CTNNA2: variants seen among roughly 807,000 people sequenced by gnomAD.
CTNNA2 encodes the protein catenin alpha-2.
A neutral mutation model predicts 101.0 loss-of-function variants in CTNNA2; 42 were observed. The observed-to-expected ratio is 0.42, with a 90% confidence interval of 0.32 to 0.54. The LOEUF (loss-of-function observed/expected upper bound fraction) is 0.54, where lower values mean the gene tolerates loss of function less well. Ranked by LOEUF, CTNNA2 falls within the 20% of genes least tolerant of loss-of-function variation. The pLI is 0.14. For synonymous variants in CTNNA2, 450 were observed against 456.4 expected, an observed-to-expected ratio of 0.99 and a Z score of 0.18; for missense variants, 871 against 1,223.1, an observed-to-expected ratio of 0.71 and a Z score of 4.29.
chr2:79,750,444 T>G (rs946297190), intron 3 of CTNNA2, among the ~76,000 whole-genome samples: 2 of 152,336 alleles, frequency 1.3e-5, no homozygotes, highest in Admixed American at 6.5e-5. Context: ...ACTAATCCCT[T>G]TCTTGCTTAT....
chr2:79,338,448 A>G (rs1179085911), intron 3 of CTNNA2, among the ~76,000 whole-genome samples: 1 of 152,044 alleles, frequency 6.6e-6, no homozygotes, highest in Admixed American at 6.5e-5. Context: ...TGAAAAAGAG[A>G]ACTATGTGAA....
chr2:79,400,449 A>C (rs1678277792), intron 4 of CTNNA2, among the ~76,000 whole-genome samples: 1 of 152,054 alleles, frequency 6.6e-6, no homozygotes, highest in African/African-American at 2.4e-5. Flanking sequence ...ATAAAGAGTT[A>C]GAAATTATTT....
intron 7 of CTNNA2, among the ~76,000 whole-genome samples, chr2:79,928,946 C>A (rs1208515198): frequency 6.6e-6 from 1 of 152,074 alleles, no homozygotes; most frequent in African/African-American, 2.4e-5. Context: ...TTCATAATAA[C>A]AACAGGCAAA....
At chr2:80,077,604 TAAACA>T (rs887315045) in intron 7 of CTNNA2, among the ~76,000 whole-genome samples, 3 of 147,156 alleles carry the variant, frequency 2.0e-5, no homozygotes, top group Non-Finnish European at 3.0e-5. Flanking sequence ...AAAAAAAACA[TAAACA>T]AAACAAAGCA....
chr2:79,385,996 G>C (rs752021572), intron 4 of CTNNA2, among the ~76,000 whole-genome samples: 6 of 152,248 alleles, frequency 3.9e-5, no homozygotes, highest in African/African-American at 7.2e-5. Context: ...AAACATACAT[G>C]TGCATGTGTC....
At position 79,584,683 on chromosome 2, in the gene CTNNA2, C is replaced by T. The variant is rs555284732; in HGVS notation, c.-5-66869C>T. ...TACAGGCACACACCACCACGTCCGG[C>T]TAATTTTTATATTTTTAGTAGAGAT... On this transcript the variant is annotated intron_variant, in intron 1 of 18. Transcript: ENST00000402739. Among the ~76,000 whole-genome samples the T allele has an allele frequency of 1.1e-3, 163 of 152,156 alleles. 1 individual carries two copies. Among genetic ancestry groups the T allele is most frequent in the African/African-American group, 3.7e-3 (154 of 41,510 alleles).
chr2:80,187,596 TA>T (rs1418715687), intron 7 of CTNNA2, among the ~76,000 whole-genome samples: 10 of 152,130 alleles, frequency 6.6e-5, no homozygotes, highest in Admixed American at 2.0e-4. Context: ...AGTAATAGAA[TA>T]AAGTAAGGCC....
At chr2:79,316,426 T>A (rs1676499048) in intron 3 of CTNNA2, among the ~76,000 whole-genome samples, 1 of 152,056 alleles carries the variant, frequency 6.6e-6, no homozygotes, top group Non-Finnish European at 1.5e-5. Context: ...TCCCAGCATT[T>A]CCACATGAAT....
chr2:80,564,952 T>G (rs915306534), intron 12 of CTNNA2, among the ~76,000 whole-genome samples: 1 of 152,192 alleles, frequency 6.6e-6, no homozygotes, highest in Non-Finnish European at 1.5e-5. Flanking sequence ...AGAGAAAGTA[T>G]GTAAGGTTTA....
chr2:80,250,804 C>T (rs1359169575), intron 7 of CTNNA2, among the ~76,000 whole-genome samples: 1 of 152,156 alleles, frequency 6.6e-6, no homozygotes, highest in Admixed American at 6.5e-5. Flanking sequence ...AATACTTTAT[C>T]TTCTGAACCT....
At chr2:79,549,041 C>T (rs879739737) in intron 1 of CTNNA2, among the ~76,000 whole-genome samples, 19 of 152,152 alleles carry the variant, frequency 1.2e-4, no homozygotes, top group African/African-American at 1.9e-4. Flanking sequence ...ACAGGGCATA[C>T]GGTGCATAGT....
At chr2:80,079,828 T>TAAATAAAATAAAATAAAATA (rs61063068) in intron 7 of CTNNA2, among the ~76,000 whole-genome samples, 12,522 of 119,772 alleles carry the variant, frequency 0.1, 915 homozygotes, top group Non-Finnish European at 0.13. Flanking sequence ...TAAAATAAAA[T>TAAATAAAATAAAATAAAATA]AAATAAAATA....
chr2:79,724,933 T>C (rs1415933369), intron 2 of CTNNA2, among the ~76,000 whole-genome samples: 1 of 152,066 alleles, frequency 6.6e-6, no homozygotes, highest in Non-Finnish European at 1.5e-5. Context: ...GTCTTTACCC[T>C]GCTCTTGACT....
chr2:80,309,429 T>C (rs1677327692), intron 7 of CTNNA2, among the ~76,000 whole-genome samples: 1 of 152,184 alleles, frequency 6.6e-6, no homozygotes, highest in Non-Finnish European at 1.5e-5. Flanking sequence ...GTTCACTTTA[T>C]ATGAGTGTGG....
intron 12 of CTNNA2, among the ~76,000 whole-genome samples, chr2:80,567,180 C>T (rs946171394): frequency 3.3e-5 from 5 of 152,094 alleles, no homozygotes; most frequent in Admixed American, 6.6e-5. Context: ...TAAAGTCCCC[C>T]GTGTAGGGGT....
chr2:79,314,725 A>G (rs1676458289), intron 3 of CTNNA2, among the ~76,000 whole-genome samples: 1 of 152,216 alleles, frequency 6.6e-6, no homozygotes, highest in African/African-American at 2.4e-5. Flanking sequence ...CAGTGTGATC[A>G]GTTTATCTTG....
intron 1 of CTNNA2, among the ~76,000 whole-genome samples, chr2:79,549,415 C>G (rs2104038924): frequency 6.6e-6 from 1 of 152,284 alleles, no homozygotes; most frequent in East Asian, 1.9e-4. Context: ...ACATAGTATA[C>G]AAATGTGATG....
intron 1 of CTNNA2, among the ~76,000 whole-genome samples, chr2:79,563,119 T>C (rs960963342): frequency 6.7e-6 from 1 of 149,456 alleles, no homozygotes; most frequent in Non-Finnish European, 1.5e-5. Flanking sequence ...CAATATTTTG[T>C]TAGGCATTTG....
intron 9 of CTNNA2, among the ~76,000 whole-genome samples, chr2:80,445,125 G>A (rs1440737100): frequency 6.6e-6 from 1 of 151,954 alleles, no homozygotes; most frequent in Non-Finnish European, 1.5e-5. Flanking sequence ...TGCAAGTTTA[G>A]GTTTTATGTT....
Sources: allele counts gnomAD v4.1 joint callset (sites outside exome capture counted in the v4.1 genomes callset), GRCh38; gene constraint gnomAD v4.1.1; transcripts MANE v1.5; gene names NCBI Gene and HGNC (gene_info 2026-07-23, HGNC 2026-07-21).